RBFOX1: variants seen among roughly 807,000 people sequenced by gnomAD.
RBFOX1 encodes the protein RNA binding fox-1 homolog 1.
In RBFOX1, 8 loss-of-function variants were observed where a neutral mutation model predicts 57.7. The observed-to-expected ratio is 0.14, with a 90% CI of 0.08 to 0.25. RBFOX1 has a LOEUF of 0.25. Ranked by LOEUF, RBFOX1 falls within the 10% of genes least tolerant of loss-of-function variation. The pLI, the probability that RBFOX1 is intolerant of heterozygous loss-of-function variation, is 1.00. For missense variants in RBFOX1, 611 were observed against 548.5 expected (o/e 1.11, Z -1.14); for synonymous variants, 326 against 222.4 (o/e 1.47, Z -4.15).
At chr16:7,238,205 G>A (rs1468741324) in intron 4 of RBFOX1, among the ~76,000 whole-genome samples, 1 of 152,178 alleles carries the variant, frequency 6.6e-6, no homozygotes, top group Non-Finnish European at 1.5e-5. Context: ...TGGTGAGTTA[G>A]TGTTTAATTG....
intron 4 of RBFOX1, among the ~76,000 whole-genome samples, chr16:7,118,647 T>C (rs756607484): frequency 4.6e-5 from 7 of 152,228 alleles, no homozygotes; most frequent in East Asian, 1.9e-4. Flanking sequence ...TCATATTCCA[T>C]TGGTTAGAAA....
intron 3 of RBFOX1, among the ~76,000 whole-genome samples, chr16:6,863,344 C>G (rs1475487224): frequency 6.6e-6 from 1 of 151,914 alleles, no homozygotes; most frequent in Non-Finnish European, 1.5e-5. Context: ...ACGTGGCTCA[C>G]CAGGAGGGTG....
chr16:5,280,894 A>T (rs2063256528), intron 1 of RBFOX1, among the ~76,000 whole-genome samples: 2 of 146,820 alleles, frequency 1.4e-5, no homozygotes, highest in South Asian at 2.2e-4. Flanking sequence ...ACCAACTTTT[A>T]TCTTGTTGAT....
At chr16:6,349,611 C>T (rs2085945860) in intron 2 of RBFOX1, among the ~76,000 whole-genome samples, 1 of 152,186 alleles carries the variant, frequency 6.6e-6, no homozygotes, top group Non-Finnish European at 1.5e-5. Flanking sequence ...ACTCCAGCTC[C>T]AGCTTGCAGA....
At chr16:6,874,500 G>C (rs1179069115) in intron 3 of RBFOX1, among the ~76,000 whole-genome samples, 1 of 102,556 alleles carries the variant, frequency 9.8e-6, no homozygotes, top group Non-Finnish European at 1.8e-5. Context: ...GACAGAGCAA[G>C]ACTCCATCTA....
At chr16:5,431,982 C>G (rs1420884160) in intron 1 of RBFOX1, among the ~76,000 whole-genome samples, 1 of 152,124 alleles carries the variant, frequency 6.6e-6, no homozygotes, top group Non-Finnish European at 1.5e-5. Context: ...GTCTGCAGAT[C>G]AAGTCCGTTG....
chr16:6,577,005 A>C (rs551864752), intron 2 of RBFOX1: 2 of 152,356 alleles, frequency 1.3e-5, no homozygotes, highest in African/African-American at 4.8e-5. Flanking sequence ...AATTCTGCCC[A>C]GTGACATGTG....
chr16:6,488,295 C>T (rs977917459), intron 2 of RBFOX1, among the ~76,000 whole-genome samples: 1 of 152,144 alleles, frequency 6.6e-6, no homozygotes, highest in Non-Finnish European at 1.5e-5. Flanking sequence ...GATGTAAGTA[C>T]TAGTTGGATT....
In RBFOX1 at chr16:6,757,864, A is replaced by T. The variant is rs1391694921; in HGVS notation, c.-16+103214A>T. ...GGATACCCCCAATTACCCTGATCATAACACATTGTGTGCATGTATCAAAAT... is the reference window on the plus strand; with the variant it reads ...GGATACCCCCAATTACCCTGATCATTACACATTGTGTGCATGTATCAAAAT... On this transcript the variant is annotated intron_variant, in intron 3 of 15. Transcript: ENST00000550418. Among the ~76,000 whole-genome samples the T allele has an allele frequency of 2.2e-4, 33 of 152,210 alleles. 1 individual carries two copies. Among genetic ancestry groups the T allele is most frequent in the Non-Finnish European group, 4.6e-4 (31 of 68,028 alleles).
chr16:6,649,138 C>A (rs2098556490), intron 2 of RBFOX1, among the ~76,000 whole-genome samples: 1 of 152,182 alleles, frequency 6.6e-6, no homozygotes, highest in Non-Finnish European at 1.5e-5. Context: ...CCTGCCAGCC[C>A]TTGGTAACCA....
chr16:6,827,012 A>C (rs1157303390), intron 3 of RBFOX1, among the ~76,000 whole-genome samples: 1 of 152,174 alleles, frequency 6.6e-6, no homozygotes, highest in Non-Finnish European at 1.5e-5. Context: ...GCTGTAAACT[A>C]ACTTTTTAGT....
At chr16:5,607,026 A>G (rs541056455) in intron 3 of RBFOX1, among the ~76,000 whole-genome samples, 2 of 152,240 alleles carry the variant, frequency 1.3e-5, no homozygotes, top group African/African-American at 4.8e-5. Context: ...TTTTAGAAAG[A>G]TCTCCCTGGG....
At chr16:6,701,937 C>T (rs1044422313) in intron 3 of RBFOX1, among the ~76,000 whole-genome samples, 15 of 151,994 alleles carry the variant, frequency 9.9e-5, no homozygotes, top group Admixed American at 7.9e-4. Flanking sequence ...GACACCGGGG[C>T]CTGCTTGAGG....
intron 4 of RBFOX1, among the ~76,000 whole-genome samples, chr16:7,320,974 A>C (rs1044238015): frequency 2.0e-5 from 3 of 152,174 alleles, no homozygotes; most frequent in African/African-American, 7.2e-5. Flanking sequence ...TCAATAGCTG[A>C]GTTCCTGATC....
At chr16:6,772,940 G>A (rs1280262224) in intron 3 of RBFOX1, among the ~76,000 whole-genome samples, 1 of 148,072 alleles carries the variant, frequency 6.8e-6, no homozygotes, top group African/African-American at 2.5e-5. Flanking sequence ...GTGTGTGTGT[G>A]TGTATCTATA....
At chr16:6,944,352 G>A (rs546762831) in intron 3 of RBFOX1, among the ~76,000 whole-genome samples, 50 of 149,100 alleles carry the variant, frequency 3.4e-4, no homozygotes, top group Admixed American at 6.8e-4. Flanking sequence ...CCAAGATTGC[G>A]CCGTTGTACT....
In RBFOX1 at chr16:6,816,608, C is replaced by T. The variant is rs59274982; in HGVS notation, c.-16+161958C>T. ...TACAAAAATTAGCCAGGCGTGGTGG[C>T]GGGCACCTGTAGTCCCAGCTGCTTG... On this transcript the variant is annotated intron_variant, in intron 3 of 15. Transcript: ENST00000550418. 5.6e-3 allele frequency among the ~76,000 whole-genome samples: 842 copies of T among 151,350 alleles called. 4 individuals are homozygous for T. The highest frequency in any genetic ancestry group is 0.018 in the African/African-American group (758 of 41,210).
intron 3 of RBFOX1, among the ~76,000 whole-genome samples, chr16:5,722,730 C>G (rs373071800): frequency 6.6e-6 from 1 of 152,168 alleles, no homozygotes; most frequent in Non-Finnish European, 1.5e-5. Context: ...TTCATGGATA[C>G]CATTCTATGC....
At chr16:6,935,905 C>G (rs573649449) in intron 3 of RBFOX1, among the ~76,000 whole-genome samples, 12 of 152,070 alleles carry the variant, frequency 7.9e-5, no homozygotes, top group Non-Finnish European at 1.6e-4. Context: ...CTAATGGAAC[C>G]CTTGGGTTTG....
Sources: gnomAD v4.1 joint callset for allele counts (sites outside exome capture counted in the v4.1 genomes callset) on GRCh38, gnomAD v4.1.1 for gene constraint, MANE v1.5 for transcripts, NCBI Gene and HGNC (gene_info 2026-07-23, HGNC 2026-07-21) for gene names.